The following STIM1 variants were observed in gnomAD, a reference collection of about 807,000 sequenced individuals.
STIM1 encodes the protein stromal interaction molecule 1.
Under a neutral mutation model 74.7 loss-of-function variants are expected in STIM1, and 25 were observed. That is an observed-to-expected ratio of 0.33 (90% CI 0.24 to 0.47). The LOEUF is 0.47. STIM1 is among the 20% of genes least tolerant of loss of function. STIM1 has a pLI of 1.00. For synonymous variants in STIM1, 328 were observed against 348.8 expected (o/e 0.94, Z 0.66); for missense variants, 728 against 920.8 (o/e 0.79, Z 2.71).
rs746409577 is a variant in STIM1 at position 4,083,244 on chromosome 11, C to G, written c.1239-19C>G. The G allele has an allele frequency of 3.7e-6, 6 of 1,612,900 alleles. No homozygotes were observed. The highest frequency in any genetic ancestry group is 8.5e-7 in the Non-Finnish European group (1 of 1,179,094). On this transcript the variant is annotated intron_variant, in intron 9 of 12. Transcript: ENST00000526596. ...TCACACCAAGTCCATGCCTGCAGTT[C>G]TCTTTCCTCTGTCTTCAGGCAAGCA...
chr11:3,943,359 C>T (rs1400658878), intron 1 of STIM1, among the ~76,000 whole-genome samples: 8 of 152,138 alleles, frequency 5.3e-5, no homozygotes, highest in Non-Finnish European at 4.4e-5. Flanking sequence ...TTTTCTGCAT[C>T]GTTAACTGGA....
At chr11:4,075,336 G>C (rs1443580173) in intron 7 of STIM1, among the ~76,000 whole-genome samples, 1 of 152,138 alleles carries the variant, frequency 6.6e-6, no homozygotes, top group Non-Finnish European at 1.5e-5. Context: ...CTACCACCCA[G>C]ATCAAGATAC....
rs748663206 is a variant in STIM1, at chr11:4,070,154, T to C, written c.742T>C (p.Leu248=). Residue 248 remains leucine, a synonymous_variant, in exon 6 of 13, where the codon TTG becomes CTG. Coordinates refer to ENST00000526596, the MANE Select transcript of STIM1 (RefSeq NM_001382567.1). ...KEHMKKMMKD[L]EGLHRAEQSL... is the part of the protein sequence containing the mutation. ...GCACATGAAGAAGATGATGAAGGAC[T>C]TGGAGGGGTTACACCGAGCTGAGCA... is the stretch of plus-strand genomic sequence containing the variant. 1.5e-5 allele frequency: 24 copies of C among 1,614,168 alleles called. No homozygotes were observed. The highest frequency in any genetic ancestry group is 2.0e-5 in the Non-Finnish European group (24 of 1,180,030).
At chr11:3,973,791 G>A in intron 2 of STIM1, 1 of 328,610 alleles carries the variant, frequency 3.0e-6, no homozygotes, top group South Asian at 4.3e-5. Context: ...ATGGCTCACT[G>A]TAGCCTTTAC....
chr11:4,087,552 G>C (rs1053024795), intron 12 of STIM1, among the ~76,000 whole-genome samples: 2 of 152,120 alleles, frequency 1.3e-5, no homozygotes, highest in African/African-American at 4.8e-5. Context: ...AATGACGAAG[G>C]CTCCGAAAGG....
chr11:3,965,242 G>A (rs919784913), intron 1 of STIM1, among the ~76,000 whole-genome samples: 3 of 152,234 alleles, frequency 2.0e-5, no homozygotes, highest in African/African-American at 7.2e-5. Context: ...GTGCAACAGA[G>A]ACTATATGGC....
At chr11:3,873,418 CAA>C (rs1159126517) in intron 1 of STIM1, among the ~76,000 whole-genome samples, 15 of 57,106 alleles carry the variant, frequency 2.6e-4, no homozygotes, top group African/African-American at 3.7e-4. Flanking sequence ...AGCTCCATTT[CAA>C]AAAAAAAAAA....
intron 1 of STIM1, among the ~76,000 whole-genome samples, chr11:3,962,480 A>T (rs1211925293): frequency 3.7e-5 from 5 of 133,602 alleles, no homozygotes; most frequent in African/African-American, 1.1e-4. Flanking sequence ...TGTGTGTATA[A>T]AAATAATATT....
chr11:4,023,785 G>A, intron 2 of STIM1, 88 bp from the exon 3 acceptor site: 1 of 883,920 alleles, frequency 1.1e-6, no homozygotes, highest in South Asian at 1.4e-5. Flanking sequence ...AATGTGTTAT[G>A]GCTAGCTAGA....
At chr11:4,018,096 C>G (rs1320628851) in intron 2 of STIM1, among the ~76,000 whole-genome samples, 3 of 151,616 alleles carry the variant, frequency 2.0e-5, no homozygotes. Flanking sequence ...AGGTGGATCA[C>G]CTGAGGTCTG....
chr11:4,071,119 G>A (rs1019950420), intron 6 of STIM1, among the ~76,000 whole-genome samples: 7 of 152,168 alleles, frequency 4.6e-5, no homozygotes, highest in Non-Finnish European at 7.3e-5. Context: ...ATAGGGTGGG[G>A]TCAGATCCCT....
chr11:3,916,940 C>T (rs1050539608), intron 1 of STIM1, among the ~76,000 whole-genome samples: 1 of 152,132 alleles, frequency 6.6e-6, no homozygotes, highest in Non-Finnish European at 1.5e-5. Flanking sequence ...GGTGGTTTGG[C>T]AATGTTTTAG....
At chr11:4,016,775 G>T (rs2093901658) in intron 2 of STIM1, among the ~76,000 whole-genome samples, 1 of 152,212 alleles carries the variant, frequency 6.6e-6, no homozygotes, top group Admixed American at 6.5e-5. Context: ...CCTCAGCAAT[G>T]GTGGATGCCC....
chr11:4,044,933 A>G (rs1478067732), intron 3 of STIM1, among the ~76,000 whole-genome samples: 1 of 152,138 alleles, frequency 6.6e-6, no homozygotes, highest in African/African-American at 2.4e-5. Flanking sequence ...ACTGGCATCT[A>G]TGTTGTTAAA....
chr11:3,960,760 A>G (rs973648308), intron 1 of STIM1, among the ~76,000 whole-genome samples: 13 of 152,200 alleles, frequency 8.5e-5, no homozygotes, highest in Non-Finnish European at 1.3e-4. Flanking sequence ...TCTTTAGCCA[A>G]AACAACACAT....
intron 1 of STIM1, among the ~76,000 whole-genome samples, chr11:3,886,031 A>C (rs562763056): frequency 2.5e-4 from 38 of 152,350 alleles, no homozygotes; most frequent in Non-Finnish European, 4.9e-4. Flanking sequence ...GCTTTGGCTC[A>C]AGGGGACTTT....
At chr11:3,937,440 G>A (rs1490024247) in intron 1 of STIM1, among the ~76,000 whole-genome samples, 2 of 152,122 alleles carry the variant, frequency 1.3e-5, no homozygotes, top group East Asian at 3.8e-4. Context: ...CAATCCAAAG[G>A]GGTCAGGCTT....
intron 5 of STIM1, among the ~76,000 whole-genome samples, chr11:4,064,359 A>T (rs2094351651): frequency 6.6e-6 from 1 of 152,060 alleles, no homozygotes; most frequent in South Asian, 2.1e-4. Context: ...TGGACTAAAA[A>T]TCCCTATTTC....
chr11:4,082,193 G>C lies in STIM1; in HGVS notation c.979G>C (p.Ala327Pro). The change falls in exon 8 of 13, where the codon GCC (alanine) becomes CCC (proline). Residue 327 changes from alanine (A) to proline (P), a missense_variant. Transcript: ENST00000526596. ...CCTTTTGGCTGCCTAGGTTCGGGAG[G>C]CCTTGAGGAAAGCAGAGAAGGAGCT... is the stretch of plus-strand genomic sequence containing the variant. Reference protein sequence around the residue: ...AEEELEQVREALRKAEKELES... With the variant: ...AEEELEQVREPLRKAEKELES... The C allele has an allele frequency of 6.2e-7, 1 of 1,614,096 alleles. No individual in the cohort carries two copies. Among genetic ancestry groups the C allele is most frequent in the Non-Finnish European group, 8.5e-7 (1 of 1,180,046 alleles).
Sources: allele counts gnomAD v4.1 joint callset (sites outside exome capture counted in the v4.1 genomes callset), GRCh38; gene constraint gnomAD v4.1.1; transcripts MANE v1.5; gene names NCBI Gene and HGNC (gene_info 2026-07-23, HGNC 2026-07-21).